Variants in PRLR observed in about 807,000 individuals in gnomAD.
PRLR encodes hPRL receptor.
A neutral mutation model predicts 40.2 loss-of-function variants in PRLR; 13 were observed. The ratio of observed to expected loss-of-function variants is 0.32; its 90% CI spans 0.21 to 0.51. The LOEUF (loss-of-function observed/expected upper bound fraction) is 0.51. PRLR is among the 20% of genes least tolerant of loss of function. The pLI is 0.97. For synonymous variants in PRLR, 269 were observed against 278.7 expected (o/e 0.97, Z 0.35); for missense variants, 656 against 747.3 (o/e 0.88, Z 1.42).
At chr5:35,171,243 C>A (rs575472454) in intron 1 of PRLR, among the ~76,000 whole-genome samples, 3 of 152,192 alleles carry the variant, frequency 2.0e-5, no homozygotes, top group Non-Finnish European at 4.4e-5. Flanking sequence ...CAAATCATGA[C>A]AGCAACCCTT....
chr5:35,192,045 A>C (rs968202359), intron 1 of PRLR, among the ~76,000 whole-genome samples: 3 of 152,190 alleles, frequency 2.0e-5, no homozygotes, highest in African/African-American at 7.2e-5. Context: ...CCGTGGTCCA[A>C]GTGTCCCTCA....
At chr5:35,170,342 G>C (rs1248720278) in intron 1 of PRLR, among the ~76,000 whole-genome samples, 1 of 152,126 alleles carries the variant, frequency 6.6e-6, no homozygotes, top group African/African-American at 2.4e-5. Context: ...GGAGTTAGTG[G>C]ACAGTCAAGA....
intron 2 of PRLR, among the ~76,000 whole-genome samples, chr5:35,104,063 A>T (rs1052906309): frequency 6.6e-6 from 1 of 152,136 alleles, no homozygotes; most frequent in African/African-American, 2.4e-5. Context: ...TATCCCGTAC[A>T]GTTCAAAAGA....
chr5:35,190,958 T>C (rs1404560410), intron 1 of PRLR, among the ~76,000 whole-genome samples: 1 of 151,582 alleles, frequency 6.6e-6, no homozygotes, highest in Admixed American at 6.6e-5. Flanking sequence ...AATATTTACA[T>C]AATGGGGATT....
intron 1 of PRLR, among the ~76,000 whole-genome samples, chr5:35,174,527 C>G (rs1369510755): frequency 6.6e-6 from 1 of 152,224 alleles, no homozygotes; most frequent in Non-Finnish European, 1.5e-5. Context: ...CCATGCCTTT[C>G]TCTTTCAAAC....
At chr5:35,208,014 T>C (rs1776067714) in intron 1 of PRLR, among the ~76,000 whole-genome samples, 1 of 152,148 alleles carries the variant, frequency 6.6e-6, no homozygotes, top group Non-Finnish European at 1.5e-5. Flanking sequence ...AAGAACTTAA[T>C]ATACACTGAA....
chr5:35,224,584 A>C (rs1776504483), intron 1 of PRLR, among the ~76,000 whole-genome samples: 1 of 152,258 alleles, frequency 6.6e-6, no homozygotes, highest in Non-Finnish European at 1.5e-5. Flanking sequence ...CCCTGCAGGC[A>C]CATGTCTAGA....
intron 1 of PRLR, among the ~76,000 whole-genome samples, chr5:35,162,113 T>C (rs1345785546): frequency 6.6e-6 from 1 of 152,216 alleles, no homozygotes; most frequent in Non-Finnish European, 1.5e-5. Flanking sequence ...TCCTGGGCAT[T>C]AAATTCTAAC....
At chr5:35,141,478 A>G (rs1774024263) in intron 1 of PRLR, among the ~76,000 whole-genome samples, 1 of 152,166 alleles carries the variant, frequency 6.6e-6, no homozygotes, top group African/African-American at 2.4e-5. Flanking sequence ...AGATGAAAAG[A>G]CTGAGGCTGA....
At chr5:35,148,425 G>T (rs4403155) in intron 1 of PRLR, among the ~76,000 whole-genome samples, 119,405 of 151,838 alleles carry the variant, frequency 0.79, 49,842 homozygotes, top group Non-Finnish European at 0.92. Flanking sequence ...TTTATCTGGG[G>T]TAGATAGCTA....
At chr5:35,195,434 C>G (rs1191115186) in intron 1 of PRLR, 1 of 152,252 alleles carries the variant, frequency 6.6e-6, no homozygotes, top group Non-Finnish European at 1.5e-5. Context: ...CCATTTTTAC[C>G]ACCACTGATG....
intron 1 of PRLR, among the ~76,000 whole-genome samples, chr5:35,163,684 G>T (rs1352347167): frequency 1.3e-5 from 2 of 152,222 alleles, no homozygotes; most frequent in African/African-American, 4.8e-5. Flanking sequence ...AATTGTACAT[G>T]TAAATTGAAT....
At chr5:35,098,933 G>A (rs1032837325) in intron 2 of PRLR, among the ~76,000 whole-genome samples, 5 of 152,196 alleles carry the variant, frequency 3.3e-5, no homozygotes, top group African/African-American at 1.2e-4. Flanking sequence ...CAAATGCCTT[G>A]TGGGAGAATC....
intron 5 of PRLR, among the ~76,000 whole-genome samples, chr5:35,082,969 T>A (rs185129819): frequency 6.6e-6 from 1 of 152,154 alleles, no homozygotes; most frequent in Non-Finnish European, 1.5e-5. Flanking sequence ...GAGTCCCTTT[T>A]TTTGTGGGTC....
At chr5:35,117,487 A>G (rs1211943374) in intron 2 of PRLR, among the ~76,000 whole-genome samples, 6 of 152,232 alleles carry the variant, frequency 3.9e-5, no homozygotes, top group Middle Eastern at 3.4e-3. Flanking sequence ...CATCTGTAAA[A>G]TGGAGTCGTA....
At chr5:35,206,398 A>G (rs1451207080) in intron 1 of PRLR, among the ~76,000 whole-genome samples, 2 of 152,186 alleles carry the variant, frequency 1.3e-5, no homozygotes, top group Admixed American at 6.5e-5. Flanking sequence ...TCAGATAACC[A>G]TAGAACTGCT....
chr5:35,189,678 G>A (rs1396298160), intron 1 of PRLR, among the ~76,000 whole-genome samples: 1 of 152,060 alleles, frequency 6.6e-6, no homozygotes, highest in Non-Finnish European at 1.5e-5. Context: ...TGTGTCCCAG[G>A]TGGGAGTCAA....
chr5:35,202,117 C>T (rs1202040755), intron 1 of PRLR, among the ~76,000 whole-genome samples: 2 of 152,172 alleles, frequency 1.3e-5, no homozygotes, highest in Non-Finnish European at 2.9e-5. Context: ...CTTCAGTTTC[C>T]TTATCTGTGA....
intron 2 of PRLR, among the ~76,000 whole-genome samples, chr5:35,100,758 GC>G (rs1374636985): frequency 6.6e-6 from 1 of 152,120 alleles, no homozygotes; most frequent in Non-Finnish European, 1.5e-5. Flanking sequence ...GGTCTTTAAA[GC>G]TTTTTACATA....
Sources: allele counts gnomAD v4.1 joint callset (sites outside exome capture counted in the v4.1 genomes callset), GRCh38; gene constraint gnomAD v4.1.1; transcripts MANE v1.5; gene names NCBI Gene and HGNC (gene_info 2026-07-23, HGNC 2026-07-21).